The following PDE1C variants were observed in gnomAD, a reference collection of about 807,000 sequenced individuals.
PDE1C encodes phosphodiesterase 1C.
A neutral mutation model predicts 93.1 loss-of-function variants in PDE1C; 62 were observed. That is an observed-to-expected ratio of 0.67 (90% confidence interval 0.54 to 0.82). The LOEUF (loss-of-function observed/expected upper bound fraction) is 0.82, where lower values mean the gene tolerates loss of function less well. PDE1C is among the 40% of genes least tolerant of loss of function. The probability of loss-of-function intolerance (pLI) is 0.00; values close to 1 mark genes in which losing one functional copy is unlikely to be tolerated. For missense variants in PDE1C, 742 were observed against 884.6 expected (o/e 0.84, Z 2.04); for synonymous variants, 325 against 310.1 (o/e 1.05, Z -0.50).
chr7:32,381,673 C>G (rs913481967), intron 1 of PDE1C, among the ~76,000 whole-genome samples: 1 of 152,208 alleles, frequency 6.6e-6, no homozygotes, highest in African/African-American at 2.4e-5. Flanking sequence ...CTTTTCAAGT[C>G]TCTTAGGCAG....
intron 1 of PDE1C, among the ~76,000 whole-genome samples, chr7:32,286,239 C>CTT (rs1261618881): frequency 1.3e-5 from 2 of 152,208 alleles, no homozygotes; most frequent in African/African-American, 4.8e-5. Context: ...TGGATTTTTA[C>CTT]TGAAGATATG....
At chr7:32,192,444 G>A (rs1012961562) in intron 2 of PDE1C, among the ~76,000 whole-genome samples, 1 of 152,078 alleles carries the variant, frequency 6.6e-6, no homozygotes, top group African/African-American at 2.4e-5. Flanking sequence ...TGTTGAAAAG[G>A]TCATATTTCC....
At chr7:32,406,035 G>GCC (rs905487642) in intron 1 of PDE1C, among the ~76,000 whole-genome samples, 7 of 152,238 alleles carry the variant, frequency 4.6e-5, no homozygotes, top group African/African-American at 1.7e-4. Flanking sequence ...AAACTCAACA[G>GCC]CCCCCTGAGG....
At chr7:32,401,665 T>A (rs1008236375) in intron 1 of PDE1C, among the ~76,000 whole-genome samples, 29 of 152,192 alleles carry the variant, frequency 1.9e-4, no homozygotes, top group Admixed American at 1.6e-3. Context: ...CCCTGATGTA[T>A]GTGTCCCTCA....
chr7:31,743,575 GCACA>G, the PDE1C span, among the ~76,000 whole-genome samples: 5 of 147,874 alleles, frequency 3.4e-5, no homozygotes, highest in Admixed American at 1.3e-4. Context: ...GTGTGTGTGC[GCACA>G]CACACACACA....
intron 16 of PDE1C, among the ~76,000 whole-genome samples, chr7:31,800,539 T>A (rs1170048586): frequency 6.6e-6 from 1 of 151,508 alleles, no homozygotes; most frequent in Non-Finnish European, 1.5e-5. Flanking sequence ...AAATAAATAG[T>A]CCATACACAT....
At chr7:32,189,938 T>C (rs1804126524) in intron 2 of PDE1C, among the ~76,000 whole-genome samples, 3 of 152,232 alleles carry the variant, frequency 2.0e-5, no homozygotes, top group Admixed American at 1.3e-4. Flanking sequence ...TATCTACTTC[T>C]AAGATGTCTT....
At position 31,848,093 on chromosome 7, in the gene PDE1C, A is replaced by G. The variant is rs760820551; in HGVS notation, c.855T>C (p.Ser285=). The G allele has an allele frequency of 1.9e-6, 3 of 1,611,560 alleles. No individual in the cohort carries two copies. The highest frequency in any genetic ancestry group is 2.5e-6 in the Non-Finnish European group (3 of 1,178,818). Residue 285 remains serine, a synonymous_variant, in exon 9 of 18, where the codon TCT becomes TCC. Transcript: ENST00000396191. The stretch of plus-strand genomic sequence containing the variant: ...TGTCATTATACAGAATAGCTGGATC[A>G]GACCTGAACAGAAAGCCAAGCAAAA... ...TTNNFHIQTR[S]DPAILYNDRS...
intron 1 of PDE1C, among the ~76,000 whole-genome samples, chr7:32,260,275 G>A (rs977502950): frequency 6.6e-6 from 1 of 152,226 alleles, no homozygotes; most frequent in African/African-American, 2.4e-5. Context: ...CAACAGTGGA[G>A]AGGCCTTGAA....
intron 2 of PDE1C, among the ~76,000 whole-genome samples, chr7:32,206,879 C>G (rs1171496004): frequency 2.0e-5 from 3 of 152,242 alleles, no homozygotes; most frequent in Admixed American, 6.5e-5. Context: ...TCAGTCTCAA[C>G]TCTTCACTGT....
chr7:32,023,180 G>A (rs1039337223), intron 2 of PDE1C, among the ~76,000 whole-genome samples: 1 of 151,974 alleles, frequency 6.6e-6, no homozygotes, highest in Non-Finnish European at 1.5e-5. Context: ...TGGCAGAAAC[G>A]TTAACTCTAG....
intron 3 of PDE1C, among the ~76,000 whole-genome samples, chr7:32,142,202 G>A (rs941904385): frequency 1.3e-5 from 2 of 152,080 alleles, no homozygotes; most frequent in Non-Finnish European, 2.9e-5. Context: ...GGGGGAAGGA[G>A]GAGGAAATAG....
chr7:31,784,876 T>C (rs537710919), intron 16 of PDE1C: 1 of 152,158 alleles, frequency 6.6e-6, no homozygotes, highest in African/African-American at 2.4e-5. Flanking sequence ...GGCTGTAGGT[T>C]TTTCCTATCC....
At chr7:31,718,181 A>G in the PDE1C span, among the ~76,000 whole-genome samples, 1 of 152,126 alleles carries the variant, frequency 6.6e-6, no homozygotes, top group Non-Finnish European at 1.5e-5. Context: ...TGGTGGGACC[A>G]TAGGAGTCCT....
intron 1 of PDE1C, chr7:32,298,566 C>G: frequency 6.7e-7 from 1 of 1,497,002 alleles, no homozygotes; most frequent in Non-Finnish European, 9.1e-7. Context: ...TGAGCTCCCC[C>G]TGCCCGCTTA....
intron 2 of PDE1C, among the ~76,000 whole-genome samples, chr7:31,910,299 C>T (rs1325438453): frequency 1.3e-5 from 2 of 152,156 alleles, no homozygotes; most frequent in African/African-American, 2.4e-5. Context: ...TTTCCAACTG[C>T]TTGCCAGGTC....
chr7:31,771,368 C>T (rs1795476941), intron 17 of PDE1C, among the ~76,000 whole-genome samples: 1 of 152,208 alleles, frequency 6.6e-6, no homozygotes, highest in African/African-American at 2.4e-5. Context: ...TTTCTCCACA[C>T]CCTCACCAAT....
At chr7:31,692,359 T>C in the PDE1C span, 1 of 1,102,990 alleles carries the variant, frequency 9.1e-7, no homozygotes, top group Non-Finnish European at 1.4e-6. Context: ...ATTGAATGAA[T>C]GAATAAACAG....
chr7:32,008,586 T>C (rs896913618), intron 2 of PDE1C, among the ~76,000 whole-genome samples: 1 of 152,198 alleles, frequency 6.6e-6, no homozygotes, highest in South Asian at 2.1e-4. Context: ...AAATTAACCA[T>C]GAACTGAAGG....
Sources: gnomAD v4.1 joint callset for allele counts (sites outside exome capture counted in the v4.1 genomes callset) on GRCh38, gnomAD v4.1.1 for gene constraint, MANE v1.5 for transcripts, NCBI Gene and HGNC (gene_info 2026-07-23, HGNC 2026-07-21) for gene names.